SGPL1: variants seen among roughly 807,000 people sequenced by gnomAD.
SGPL1 encodes the protein sphingosine-1-phosphate lyase 1.
In SGPL1, 37 loss-of-function variants were observed where a neutral mutation model predicts 68.9. That is an observed-to-expected ratio of 0.54 (90% CI 0.41 to 0.71). The LOEUF (loss-of-function observed/expected upper bound fraction) is 0.71, where lower values mean the gene tolerates loss of function less well. Among genes scored for constraint, SGPL1 ranks in the 30% least tolerant of loss-of-function variants. The pLI, the probability that SGPL1 is intolerant of heterozygous loss-of-function variation, is 0.00. For missense variants in SGPL1, 551 were observed against 704.6 expected (o/e 0.78, Z 2.47); for synonymous variants, 236 against 248.5 (o/e 0.95, Z 0.47).
chr10:70,858,602 A>C (rs1438993963), intron 6 of SGPL1, among the ~76,000 whole-genome samples: 2 of 152,214 alleles, frequency 1.3e-5, no homozygotes, highest in Non-Finnish European at 2.9e-5. Context: ...TTCTGTGCTT[A>C]AAATCTTTCA....
Position 70,851,174 on chromosome 10 carries a change from T to C in SGPL1, c.225T>C (p.Phe75=), listed in dbSNP as rs1258327199. The C allele has an allele frequency of 3.7e-6, 6 of 1,613,828 alleles. No homozygotes were observed. The highest frequency in any genetic ancestry group is 5.1e-6 in the Non-Finnish European group (6 of 1,179,824). ...GGTCAAGGTTTAAAAAGAAATGTTT[T>C]AAGCTCACCAGGAAGATGCCCATTA... ...SLWSRFKKKC[F]KLTRKMPIIG... is the part of the protein sequence containing the mutation. The change falls in exon 4 of 15, where the codon TTT becomes TTC. Residue 75 remains phenylalanine, a synonymous_variant. Transcript: ENST00000373202.
chr10:70,862,030 G>A (rs960714090), intron 7 of SGPL1, among the ~76,000 whole-genome samples: 13 of 150,576 alleles, frequency 8.6e-5, no homozygotes, highest in Admixed American at 6.6e-4. Flanking sequence ...GAGTGCAGGC[G>A]CACAGCGCAG....
chr10:70,873,232 AAACAT>A (rs1201485860), intron 11 of SGPL1, 114 bp from the exon 12 acceptor site: 24 of 796,376 alleles, frequency 3.0e-5, no homozygotes, highest in Non-Finnish European at 5.2e-5. Flanking sequence ...TGTGAGTGGG[AAACAT>A]AACAGAGAAA....
At chr10:70,870,552 T>C (rs987242646) in intron 9 of SGPL1, among the ~76,000 whole-genome samples, 1 of 152,124 alleles carries the variant, frequency 6.6e-6, no homozygotes, top group Non-Finnish European at 1.5e-5. Flanking sequence ...TTGGCTTAAA[T>C]TAATACCATT....
chr10:70,833,078 A>T (rs145099563), intron 2 of SGPL1, among the ~76,000 whole-genome samples: 53 of 152,312 alleles, frequency 3.5e-4, no homozygotes, highest in African/African-American at 1.2e-3. Flanking sequence ...AGGAACTTAG[A>T]AGCTGTGGTT....
chr10:70,828,801 A>G (rs1048814228), intron 2 of SGPL1, among the ~76,000 whole-genome samples: 8 of 152,224 alleles, frequency 5.3e-5, no homozygotes, highest in Admixed American at 2.0e-4. Context: ...TCACTGAAGC[A>G]TTTAATTCCA....
chr10:70,869,968 C>A, intron 9 of SGPL1, 71 bp downstream of exon 9: 1 of 1,240,206 alleles, frequency 8.1e-7, no homozygotes, highest in Non-Finnish European at 1.2e-6. Context: ...GTTGACTAGC[C>A]GTTTCCAGTC....
At chr10:70,844,722 GC>G (rs1217078107) in intron 3 of SGPL1, 84 bp downstream of exon 3, 34 of 1,300,244 alleles carry the variant, frequency 2.6e-5, no homozygotes, top group Non-Finnish European at 3.3e-5. Context: ...CTAATTTATT[GC>G]CTTTTGGTTG....
In SGPL1 at chr10:70,873,383, G is replaced by A; in HGVS notation, c.1092G>A (p.Val364=). ...ATGCCCCAAAAGGCTCATCATTGGT[G>A]TTGTATAGTGACAAGAAGTACAGGA... ...YGYAPKGSSL[V]LYSDKKYRNY... is the part of the protein sequence containing the mutation. The change falls in exon 12 of 15, where the codon GTG becomes GTA. Residue 364 remains valine, a synonymous_variant. Coordinates refer to ENST00000373202, the MANE Select transcript of SGPL1 (RefSeq NM_003901.4). 7 of 1,614,208 alleles carry A rather than the reference G, an allele frequency of 4.3e-6. No individual in the cohort carries two copies. Among genetic ancestry groups the A allele is most frequent in the Non-Finnish European group, 5.9e-6 (7 of 1,180,004 alleles).
At chr10:70,851,033 T>C (rs1241602668) in intron 3 of SGPL1, 110 bp from the exon 4 acceptor site, 15 of 798,270 alleles carry the variant, frequency 1.9e-5, no homozygotes, top group Middle Eastern at 2.3e-4. Flanking sequence ...CGAAAGAAAC[T>C]CTTTGCAATT....
In SGPL1 at chr10:70,875,414, C is replaced by T; in HGVS notation, c.1311C>T (p.Ile437=). ...ARFLKSELEN[I]KGIFVFGNPQ... The stretch of plus-strand genomic sequence containing the variant: ...TTTTTGTTTTAAGACTGGAAAATAT[C>T]AAAGGCATCTTTGTTTTTGGGAATC... The change falls in exon 13 of 15, where the codon ATC becomes ATT. Residue 437 remains isoleucine (I), a synonymous_variant. Transcript: ENST00000373202. 1 of 1,609,354 alleles carries T rather than the reference C, an allele frequency of 6.2e-7. No homozygotes were observed. Among genetic ancestry groups the T allele is most frequent in the South Asian group, 1.1e-5 (1 of 90,690 alleles).
rs1232187095 is a variant in SGPL1, at chr10:70,857,658, G to A, written c.454G>A (p.Gly152Arg). The A allele has an allele frequency of 1.2e-6, 2 of 1,612,770 alleles. No individual in the cohort carries two copies. Among genetic ancestry groups the A allele is most frequent in the Non-Finnish European group, 1.7e-6 (2 of 1,179,356 alleles). The change falls in exon 6 of 15, where the codon GGG becomes AGG. Residue 152 changes from glycine to arginine, a missense_variant. By Grantham distance (125) the Gly-to-Arg change is moderately radical (BLOSUM62 -2). Coordinates refer to ENST00000373202, the MANE Select transcript of SGPL1 (RefSeq NM_003901.4). Reference protein sequence around the residue: ...EGRASGTVYSGEEKLTELLVK... With the variant: ...EGRASGTVYSREEKLTELLVK... Reference sequence around the variant, plus strand: ...GAGAGCCTCTGGAACAGTGTACAGTGGGGAGGAGAAGCTCACTGAGCTCCT... The same window carrying A: ...GAGAGCCTCTGGAACAGTGTACAGTAGGGAGGAGAAGCTCACTGAGCTCCT...
At chr10:70,845,131 A>G (rs540086245) in intron 3 of SGPL1, among the ~76,000 whole-genome samples, 2 of 152,258 alleles carry the variant, frequency 1.3e-5, no homozygotes, top group African/African-American at 4.8e-5. Flanking sequence ...TGTATAACTA[A>G]TACTCCTTAC....
At chr10:70,860,619 C>G in intron 7 of SGPL1, 2 of 348,928 alleles carry the variant, frequency 5.7e-6, no homozygotes, top group South Asian at 4.8e-5. Flanking sequence ...ACAGTATATT[C>G]TCCTATGCCA....
chr10:70,835,771 T>C (rs1845618876), intron 2 of SGPL1, among the ~76,000 whole-genome samples: 1 of 148,444 alleles, frequency 6.7e-6, no homozygotes, highest in Non-Finnish European at 1.5e-5. Context: ...CAAGAAGACA[T>C]TGTACAGGAG....
At chr10:70,818,238 A>G (rs1310225086) in intron 2 of SGPL1, among the ~76,000 whole-genome samples, 1 of 152,128 alleles carries the variant, frequency 6.6e-6, no homozygotes, top group Non-Finnish European at 1.5e-5. Flanking sequence ...CTCCTGCCTC[A>G]GCCTCCCGGG....
intron 2 of SGPL1, among the ~76,000 whole-genome samples, chr10:70,829,328 A>G (rs1845493138): frequency 6.6e-6 from 1 of 152,176 alleles, no homozygotes; most frequent in Admixed American, 6.5e-5. Context: ...GGTGTGTTTT[A>G]TTACCACCGT....
chr10:70,852,706 A>ATATGTG (rs1554837901), intron 4 of SGPL1, among the ~76,000 whole-genome samples: 3 of 145,830 alleles, frequency 2.1e-5, no homozygotes, highest in Admixed American at 6.8e-5. Flanking sequence ...ACATGTGTGT[A>ATATGTG]TGTGTGTGTG....
intron 2 of SGPL1, among the ~76,000 whole-genome samples, chr10:70,825,469 A>G (rs1429168127): frequency 6.6e-6 from 1 of 152,134 alleles, no homozygotes; most frequent in Non-Finnish European, 1.5e-5. Context: ...AAAAGGCACA[A>G]ATGAGGAGAT....
Sources: gnomAD v4.1 joint callset for allele counts (sites outside exome capture counted in the v4.1 genomes callset) on GRCh38, gnomAD v4.1.1 for gene constraint, MANE v1.5 for transcripts, NCBI Gene and HGNC (gene_info 2026-07-23, HGNC 2026-07-21) for gene names.